ZFP91: variants seen among roughly 807,000 people sequenced by gnomAD.
ZFP91 encodes E3 ubiquitin-protein ligase ZFP91.
In ZFP91, 7 loss-of-function variants were observed where a neutral mutation model predicts 63.5. That is an observed-to-expected ratio of 0.11 (90% confidence interval 0.06 to 0.21). ZFP91 has a LOEUF of 0.21. Among genes scored for constraint, ZFP91 ranks in the 10% least tolerant of loss-of-function variants. ZFP91 has a pLI of 1.00. For synonymous variants in ZFP91, 330 were observed against 272.1 expected, an observed-to-expected ratio of 1.21 and a Z score of -2.10; for missense variants, 628 against 736.6, an observed-to-expected ratio of 0.85 and a Z score of 1.71.
Position 58,584,949 on chromosome 11 carries a change from G to A in ZFP91, c.370+65G>A, listed in dbSNP as rs527425968. 3.1e-6 allele frequency: 4 copies of A among 1,272,876 alleles called. No homozygotes were observed. In the African/African-American group the frequency reaches 6.2e-5, roughly 20 times the overall value. 78.8% of individuals were successfully genotyped at this position (1,272,876 alleles called of 1,614,324 possible). A position where few individuals can be genotyped will look rare whatever the true frequency, so the allele number is the denominator to read the frequency against. On this transcript the variant is annotated intron_variant, in intron 2 of 10. Coordinates refer to ENST00000316059, the MANE Select transcript of ZFP91 (RefSeq NM_053023.5). Reference sequence around the variant, plus strand: ...TGATTATCTTTTAATCTGTTAGAAAGCCTCATCATTCAAATTGGTTCCCAT... The same window carrying A: ...TGATTATCTTTTAATCTGTTAGAAAACCTCATCATTCAAATTGGTTCCCAT...
At chr11:58,609,140 G>T (rs960441998) in intron 2 of ZFP91, among the ~76,000 whole-genome samples, 4 of 152,102 alleles carry the variant, frequency 2.6e-5, no homozygotes, top group African/African-American at 9.7e-5. Context: ...CAGTTTCTGA[G>T]ATTAACTTTT....
intron 9 of ZFP91, 78 bp downstream of exon 9, chr11:58,614,421 C>G: frequency 9.5e-7 from 1 of 1,056,666 alleles, no homozygotes; most frequent in Non-Finnish European, 1.3e-6. Flanking sequence ...TAACGTTTTT[C>G]TAACATAAGT....
chr11:58,602,994 G>GAA (rs956773155), intron 2 of ZFP91, among the ~76,000 whole-genome samples: 1 of 151,980 alleles, frequency 6.6e-6, no homozygotes, highest in Non-Finnish European at 1.5e-5. Flanking sequence ...AAAAAGAAAA[G>GAA]AAAAAACAGC....
At chr11:58,585,956 T>G (rs1855201286) in intron 2 of ZFP91, among the ~76,000 whole-genome samples, 1 of 152,138 alleles carries the variant, frequency 6.6e-6, no homozygotes, top group African/African-American at 2.4e-5. Flanking sequence ...AGTCTAATAT[T>G]TCATAGTATA....
Position 58,617,567 on chromosome 11 carries a change from G to A in ZFP91, c.1574G>A (p.Arg525Gln), listed in dbSNP as rs142805854. Reference protein sequence around the residue: ...MSKSYCSGTERVSLMADGKIF... With the variant: ...MSKSYCSGTEQVSLMADGKIF... ...AAGTCATACTGCAGTGGGACGGAAC[G>A]GGTGAGCCTGATGGCTGATGGGAAG... is the stretch of plus-strand genomic sequence containing the variant. The change falls in exon 11 of 11, where the codon CGG (arginine) becomes CAG (glutamine). Residue 525 changes from arginine (R) to glutamine (Q), a missense_variant. Arg to Gln is a conservative substitution (Grantham distance 43, BLOSUM62 1). Coordinates refer to ENST00000316059, the MANE Select transcript of ZFP91 (RefSeq NM_053023.5). This position sits in a 1 kb window ranked among gnomAD's most constrained non-coding sequence, Gnocchi z 4.2. 2.0e-5 allele frequency: 32 copies of A among 1,611,844 alleles called. No homozygotes were observed. The highest frequency in any genetic ancestry group is 1.3e-4 in the South Asian group (12 of 90,702).
At chr11:58,599,683 G>A in intron 2 of ZFP91, among the ~76,000 whole-genome samples, 1 of 151,636 alleles carries the variant, frequency 6.6e-6, no homozygotes, top group East Asian at 1.9e-4. Context: ...GTTTTAATTG[G>A]GTTGTTTCTC....
Position 58,586,521 on chromosome 11 carries a change from A to G in ZFP91, c.370+1637A>G, listed in dbSNP as rs564945910. On this transcript the variant is annotated intron_variant, in intron 2 of 10. Coordinates refer to ENST00000316059, the MANE Select transcript of ZFP91 (RefSeq NM_053023.5). ...ACATTCTGGATAATTTGATCCGAAG[A>G]TCAATCCCACTTTACTGTTTAAAGG... Among the ~76,000 whole-genome samples, 15 of 152,306 alleles carry G rather than the reference A, an allele frequency of 9.8e-5. No individual in the cohort carries two copies. The East Asian group carries it at 2.9e-3, about 29-fold the overall frequency.
chr11:58,588,151 A>G (rs1178840829), intron 2 of ZFP91, among the ~76,000 whole-genome samples: 1 of 152,146 alleles, frequency 6.6e-6, no homozygotes, highest in Non-Finnish European at 1.5e-5. Flanking sequence ...ATGCTTGAAA[A>G]TTTGATTGTA....
chr11:58,604,448 G>T (rs1435693780), intron 2 of ZFP91, among the ~76,000 whole-genome samples: 1 of 152,150 alleles, frequency 6.6e-6, no homozygotes, highest in African/African-American at 2.4e-5. Flanking sequence ...GTTGATTTTG[G>T]ACTTTTATCC....
intron 4 of ZFP91, 92 bp from the exon 5 acceptor site, chr11:58,610,858 G>A: frequency 8.8e-7 from 1 of 1,142,712 alleles, no homozygotes; most frequent in African/African-American, 1.5e-5. Context: ...CTTTATCAGT[G>A]TTTGGCTACC....
intron 2 of ZFP91, among the ~76,000 whole-genome samples, chr11:58,599,751 A>G (rs1164835240): frequency 6.6e-6 from 1 of 152,070 alleles, no homozygotes; most frequent in Non-Finnish European, 1.5e-5. Flanking sequence ...TTTACCAGAT[A>G]TATGACTTGC....
Position 58,579,130 on chromosome 11 carries a change from C to T in ZFP91, c.-152C>T. On this transcript the variant is annotated 5_prime_UTR_variant, in exon 1 of 11. Transcript: ENST00000316059. The stretch of plus-strand genomic sequence containing the variant: ...TGGCAGGGGGTGGGGGGGGCGCCCT[C>T]GGAGCCGGGCGGAGGGGAGGGGGGA... 2 of 511,542 alleles carry T rather than the reference C, an allele frequency of 3.9e-6. No homozygotes were observed. The highest frequency in any genetic ancestry group is 4.1e-5 in the East Asian group (1 of 24,684). 31.7% of individuals were successfully genotyped at this position (511,542 alleles called of 1,614,324 possible).
intron 8 of ZFP91, 103 bp downstream of exon 8, chr11:58,612,943 C>T (rs1185834163): frequency 2.1e-6 from 2 of 958,416 alleles, no homozygotes; most frequent in East Asian, 2.5e-5. Flanking sequence ...TTATCATTGA[C>T]ATGTAATGTC....
intron 2 of ZFP91, among the ~76,000 whole-genome samples, chr11:58,585,687 A>G (rs1170577158): frequency 6.6e-6 from 1 of 152,154 alleles, no homozygotes; most frequent in East Asian, 1.9e-4. Context: ...GCCTGCTACT[A>G]TTTCTATAAA....
rs1403097460 is a variant in ZFP91, at chr11:58,621,271, C to T, written c.*3565C>T. On this transcript the variant is annotated 3_prime_UTR_variant, in exon 11 of 11. Coordinates refer to ENST00000316059, the MANE Select transcript of ZFP91 (RefSeq NM_053023.5). Reference sequence around the variant, plus strand: ...GGAAATCTTGATGTTTTGACAACTGCCTCCTAGGAAAACTGGCCATATGTT... The same window carrying T: ...GGAAATCTTGATGTTTTGACAACTGTCTCCTAGGAAAACTGGCCATATGTT... 1.3e-5 allele frequency among the ~76,000 whole-genome samples: 2 copies of T among 152,056 alleles called. No individual in the cohort carries two copies. Among genetic ancestry groups the T allele is most frequent in the Non-Finnish European group, 2.9e-5 (2 of 67,954 alleles).
intron 1 of ZFP91, among the ~76,000 whole-genome samples, chr11:58,580,921 A>G (rs905098383): frequency 1.3e-4 from 20 of 152,208 alleles, no homozygotes; most frequent in African/African-American, 4.8e-4. Context: ...AAAATTTTAT[A>G]GTTCTATATT....
intron 2 of ZFP91, 83 bp from the exon 3 acceptor site, chr11:58,609,747 A>C (rs903601950): frequency 5.2e-6 from 6 of 1,160,844 alleles, no homozygotes; most frequent in Non-Finnish European, 7.4e-6. Context: ...TTTATCTTCA[A>C]CTGTATTTAC....
chr11:58,608,274 T>G (rs892447272), intron 2 of ZFP91, among the ~76,000 whole-genome samples: 3 of 151,838 alleles, frequency 2.0e-5, no homozygotes, highest in South Asian at 4.2e-4. Flanking sequence ...GAATGTTGTT[T>G]TCTACTCTTC....
At chr11:58,612,620 G>A (rs1855685086) in intron 7 of ZFP91, 142 bp from the exon 8 acceptor site, 1 of 667,944 alleles carries the variant, frequency 1.5e-6, no homozygotes, top group Non-Finnish European at 2.5e-6. Flanking sequence ...CAAATTCTGT[G>A]TAATCTGTAT....
Sources: allele counts gnomAD v4.1 joint callset (sites outside exome capture counted in the v4.1 genomes callset), GRCh38; gene constraint gnomAD v4.1.1; non-coding constraint Gnocchi (gnomAD v3.1); transcripts MANE v1.5; gene names NCBI Gene and HGNC (gene_info 2026-07-23, HGNC 2026-07-21).